Variants in TRAPPC8 observed in about 807,000 individuals in gnomAD.
TRAPPC8 encodes general sporulation gene 1 homolog.
TRAPPC8 carries 54 observed loss-of-function variants against 174.3 expected under a neutral mutation model. That is an observed-to-expected ratio of 0.31 (90% confidence interval 0.25 to 0.39). The LOEUF (loss-of-function observed/expected upper bound fraction) is 0.39. Ranked by LOEUF, TRAPPC8 falls within the 10% of genes least tolerant of loss-of-function variation. TRAPPC8 has a pLI of 1.00. For synonymous variants in TRAPPC8, 630 were observed against 579.9 expected (o/e 1.09, Z -1.24); for missense variants, 1,531 against 1,699.1 (o/e 0.90, Z 1.74).
chr18:31,927,866 A>G (rs987378092), intron 2 of TRAPPC8, among the ~76,000 whole-genome samples: 17 of 152,164 alleles, frequency 1.1e-4, no homozygotes, highest in African/African-American at 4.1e-4. Flanking sequence ...TAGGCAACAT[A>G]GCAAATGAGT....
intron 26 of TRAPPC8, among the ~76,000 whole-genome samples, chr18:31,845,955 A>C (rs1389664742): frequency 6.6e-6 from 1 of 152,204 alleles, no homozygotes; most frequent in Non-Finnish European, 1.5e-5. Flanking sequence ...ATAAGAAAGC[A>C]TACTCAATGC....
intron 9 of TRAPPC8, among the ~76,000 whole-genome samples, chr18:31,906,724 C>T (rs1416327816): frequency 6.6e-6 from 1 of 152,148 alleles, no homozygotes; most frequent in Non-Finnish European, 1.5e-5. Context: ...TTTGGAAATA[C>T]CTGGCTTTGT....
chr18:31,902,740 G>A (rs551108864), intron 9 of TRAPPC8, among the ~76,000 whole-genome samples: 6 of 152,028 alleles, frequency 3.9e-5, no homozygotes, highest in Admixed American at 1.3e-4. Flanking sequence ...CCCATTTGCC[G>A]GGTTTTCTGT....
chr18:31,874,138 A>G, intron 13 of TRAPPC8: 1 of 326,476 alleles, frequency 3.1e-6, no homozygotes, highest in Non-Finnish European at 5.5e-6. Flanking sequence ...AAAGGATGGT[A>G]AAGAGAACCC....
intron 20 of TRAPPC8, among the ~76,000 whole-genome samples, chr18:31,856,690 T>A (rs2034032142): frequency 6.6e-6 from 1 of 152,182 alleles, no homozygotes; most frequent in Non-Finnish European, 1.5e-5. Flanking sequence ...ACTAACTACA[T>A]TCAGTTTGTG....
intron 12 of TRAPPC8, among the ~76,000 whole-genome samples, chr18:31,880,090 A>AAAAAAAAATAT (rs1259899654): frequency 4.7e-5 from 4 of 85,376 alleles, no homozygotes; most frequent in African/African-American, 1.6e-4. Flanking sequence ...TGAAAAAAAA[A>AAAAAAAAATAT]ATATATATAT....
chr18:31,853,513 C>G (rs1157562715), intron 22 of TRAPPC8, among the ~76,000 whole-genome samples: 1 of 152,126 alleles, frequency 6.6e-6, no homozygotes, highest in Admixed American at 6.5e-5. Flanking sequence ...AGTGATCCGC[C>G]CATCTCAGCC....
chr18:31,849,510 C>T, intron 25 of TRAPPC8, 56 bp downstream of exon 25: 1 of 1,410,238 alleles, frequency 7.1e-7, no homozygotes, highest in Non-Finnish European at 9.4e-7. Context: ...TTGTGCTTAG[C>T]TTAAGACTCG....
intron 9 of TRAPPC8, among the ~76,000 whole-genome samples, chr18:31,906,333 CT>C (rs2036659019): frequency 6.9e-6 from 1 of 145,750 alleles, no homozygotes; most frequent in Non-Finnish European, 1.5e-5. Flanking sequence ...AGTGGGCTGA[CT>C]TTTTTCATTA....
intron 1 of TRAPPC8, among the ~76,000 whole-genome samples, chr18:31,940,038 G>C (rs1876037854): frequency 1.3e-5 from 2 of 152,146 alleles, no homozygotes; most frequent in Admixed American, 1.3e-4. Flanking sequence ...AGTACAAATT[G>C]AGATGTTAAG....
intron 11 of TRAPPC8, among the ~76,000 whole-genome samples, chr18:31,895,439 G>A (rs2036143417): frequency 6.6e-6 from 1 of 151,928 alleles, no homozygotes; most frequent in Non-Finnish European, 1.5e-5. Flanking sequence ...CCCACCACAT[G>A]GCAGCAAATA....
intron 2 of TRAPPC8, among the ~76,000 whole-genome samples, chr18:31,928,635 C>A (rs922491743): frequency 1.3e-5 from 2 of 152,092 alleles, no homozygotes; most frequent in African/African-American, 2.4e-5. Flanking sequence ...TTTTGGCATA[C>A]CAGGTATGCC....
chr18:31,838,870 T>C (rs1311297170), intron 27 of TRAPPC8, among the ~76,000 whole-genome samples: 1 of 152,170 alleles, frequency 6.6e-6, no homozygotes, highest in African/African-American at 2.4e-5. Flanking sequence ...CAGATGTTAC[T>C]GTTCCACAGG....
At position 31,908,943 on chromosome 18, in the gene TRAPPC8, A is replaced by G; in HGVS notation, c.933T>C (p.Ser311=). The G allele has an allele frequency of 6.2e-7, 1 of 1,613,766 alleles. No individual in the cohort carries two copies. The highest frequency in any genetic ancestry group is 8.5e-7 in the Non-Finnish European group (1 of 1,179,788). ...QLEQSSDPSN[S]IDGPDHLRSA... ...ATCTTAGATGATCTGGGCCATCAAT[A>G]CTGTTAGAAGGGTCACTGGATTGCT... is the stretch of plus-strand genomic sequence containing the variant. The change falls in exon 7 of 29, where the codon AGT becomes AGC. Residue 311 remains serine, a synonymous_variant. Coordinates refer to ENST00000283351, the MANE Select transcript of TRAPPC8 (RefSeq NM_014939.5).
Position 31,832,098 on chromosome 18 carries a change from C to T in TRAPPC8, c.4059G>A (p.Arg1353=). The stretch of plus-strand genomic sequence containing the variant: ...CAAATCTTTACCTTGTTGTTTTATG[C>T]CGAAGATCAACTATGACATCTACAT... The part of the protein sequence containing the change: ...KADVDVIVDL[R]HKTTSPEALE... Residue 1353 remains arginine, a synonymous_variant, in exon 28 of 29, where the codon CGG becomes CGA. Transcript: ENST00000283351. The T allele has an allele frequency of 6.5e-7, 1 of 1,544,848 alleles. No homozygotes were observed. Among genetic ancestry groups the T allele is most frequent in the Non-Finnish European group, 8.7e-7 (1 of 1,154,394 alleles).
intron 4 of TRAPPC8, 110 bp from the exon 5 acceptor site, chr18:31,913,632 A>G (rs950469390): frequency 1.5e-5 from 12 of 805,410 alleles, no homozygotes; most frequent in Non-Finnish European, 3.6e-6. Context: ...CCAAAAAGGC[A>G]TATTTAGACT....
At chr18:31,884,767 G>T (rs1170262386) in intron 12 of TRAPPC8, among the ~76,000 whole-genome samples, 1 of 152,126 alleles carries the variant, frequency 6.6e-6, no homozygotes, top group African/African-American at 2.4e-5. Flanking sequence ...AGCACTTTGG[G>T]GGGCCAAGGT....
chr18:31,911,243 G>A (rs918047099), intron 5 of TRAPPC8, among the ~76,000 whole-genome samples: 6 of 152,114 alleles, frequency 3.9e-5, no homozygotes, highest in African/African-American at 1.2e-4. Flanking sequence ...TAGGCCAGGC[G>A]CTGTGGCTTA....
chr18:31,869,730 G>A (rs902972714), intron 16 of TRAPPC8, among the ~76,000 whole-genome samples: 4 of 152,116 alleles, frequency 2.6e-5, no homozygotes, highest in African/African-American at 9.7e-5. Context: ...AAACAACACA[G>A]AATGTAAAAA....
Sources: allele counts gnomAD v4.1 joint callset (sites outside exome capture counted in the v4.1 genomes callset), GRCh38; gene constraint gnomAD v4.1.1; transcripts MANE v1.5; gene names NCBI Gene and HGNC (gene_info 2026-07-23, HGNC 2026-07-21).